The following NCAM2 variants were observed in gnomAD, a reference collection of about 807,000 sequenced individuals.
NCAM2 encodes N-CAM-2.
A neutral mutation model predicts 98.1 loss-of-function variants in NCAM2; 30 were observed. The observed-to-expected ratio is 0.31, with a 90% CI of 0.23 to 0.41. The LOEUF (loss-of-function observed/expected upper bound fraction) is 0.41, where lower values mean the gene tolerates loss of function less well. Ranked by LOEUF, NCAM2 falls within the 10% of genes least tolerant of loss-of-function variation. The probability of loss-of-function intolerance (pLI) is 1.00; values close to 1 mark genes in which losing one functional copy is unlikely to be tolerated. For missense variants in NCAM2, 867 were observed against 1,005.8 expected (o/e 0.86, Z 1.87); for synonymous variants, 368 against 342.4 (o/e 1.07, Z -0.83).
Position 21,286,409 on chromosome 21 carries a change from G to A in NCAM2, c.478G>A (p.Asp160Asn), listed in dbSNP as rs764042994. Residue 160 changes from aspartate to asparagine, a missense_variant, in exon 4 of 18, where the codon GAC becomes AAC. Around this residue, in one of 5 missense-constraint regions of NCAM2, gnomAD observed 447 missense variants for 495.7 expected, o/e 0.90. Transcript: ENST00000400546. ...YHNEEVTTIS[D>N]NRFAMLANNN... ...TAATGAGGAAGTCACCACTATTTCC[G>A]ACAGTTAGTATTTTGGTAACTCCCT... 10 of 1,611,486 alleles carry A rather than the reference G, an allele frequency of 6.2e-6. No homozygotes were observed. In the East Asian group the frequency reaches 8.9e-5, roughly 14 times the overall value.
At chr21:21,437,378 C>T (rs561861443) in intron 12 of NCAM2, among the ~76,000 whole-genome samples, 3 of 151,948 alleles carry the variant, frequency 2.0e-5, no homozygotes, top group Non-Finnish European at 4.4e-5. Flanking sequence ...GAATATCAGC[C>T]TCACCAGATC....
At chr21:21,057,625 C>T (rs1355542710) in intron 1 of NCAM2, among the ~76,000 whole-genome samples, 2 of 152,108 alleles carry the variant, frequency 1.3e-5, no homozygotes, top group Non-Finnish European at 2.9e-5. Context: ...CATAACTTTT[C>T]CCCATCACGA....
chr21:21,514,778 C>T (rs1421540003), intron 16 of NCAM2, among the ~76,000 whole-genome samples: 1 of 152,024 alleles, frequency 6.6e-6, no homozygotes, highest in East Asian at 1.9e-4. Context: ...AATAGCAGTG[C>T]CATGGTTGTG....
At chr21:21,491,896 A>C (rs1441582988) in intron 15 of NCAM2, among the ~76,000 whole-genome samples, 55 of 151,588 alleles carry the variant, frequency 3.6e-4, no homozygotes, top group Admixed American at 3.6e-3. Flanking sequence ...AGTAGTTTGA[A>C]ACATACACCA....
At chr21:21,386,619 G>C (rs924124295) in intron 9 of NCAM2, among the ~76,000 whole-genome samples, 3 of 152,118 alleles carry the variant, frequency 2.0e-5, no homozygotes, top group Non-Finnish European at 4.4e-5. Flanking sequence ...CTTTATGTGA[G>C]CCCCCTGGGA....
chr21:21,051,956 G>T (rs559349438), intron 1 of NCAM2, among the ~76,000 whole-genome samples: 1 of 152,212 alleles, frequency 6.6e-6, no homozygotes, highest in South Asian at 2.1e-4. Context: ...GGGAAGAACA[G>T]AATTCCTTTT....
chr21:21,435,997 C>G (rs2146050801), intron 12 of NCAM2, among the ~76,000 whole-genome samples: 1 of 152,168 alleles, frequency 6.6e-6, no homozygotes, highest in East Asian at 1.9e-4. Flanking sequence ...TGGGACCACC[C>G]CTAACGTTGT....
At chr21:21,080,848 A>G (rs1345495148) in intron 1 of NCAM2, among the ~76,000 whole-genome samples, 1 of 151,970 alleles carries the variant, frequency 6.6e-6, no homozygotes, top group East Asian at 1.9e-4. Flanking sequence ...TCAGAAGAAA[A>G]TGTTCGACCA....
intron 1 of NCAM2, among the ~76,000 whole-genome samples, chr21:21,275,114 A>G (rs1245463241): frequency 2.6e-5 from 4 of 152,236 alleles, no homozygotes; most frequent in African/African-American, 7.2e-5. Context: ...AATGTTACCT[A>G]TGTTTTATTT....
intron 16 of NCAM2, among the ~76,000 whole-genome samples, chr21:21,516,191 C>T (rs1988702848): frequency 6.6e-6 from 1 of 152,122 alleles, no homozygotes; most frequent in East Asian, 1.9e-4. Context: ...TGGCTTCTTA[C>T]AGAAAAGCTT....
chr21:21,108,707 A>G (rs1005507296), intron 1 of NCAM2, among the ~76,000 whole-genome samples: 1 of 152,134 alleles, frequency 6.6e-6, no homozygotes, highest in East Asian at 1.9e-4. Context: ...TTTTTAGAAT[A>G]AGGACATTTC....
In NCAM2 at chr21:21,027,413, A is replaced by G. The variant is rs529980148; in HGVS notation, c.55+28795A>G. On this transcript the variant is annotated intron_variant, in intron 1 of 17. Coordinates refer to ENST00000400546, the MANE Select transcript of NCAM2 (RefSeq NM_004540.5). ...ACTGTCTTTTCCTGCCAGGAACTATAAGTTTCATTCAGAGAAGTTACTTAT... is the reference window on the plus strand; with the variant it reads ...ACTGTCTTTTCCTGCCAGGAACTATGAGTTTCATTCAGAGAAGTTACTTAT... 9.8e-5 allele frequency among the ~76,000 whole-genome samples: 15 copies of G among 152,306 alleles called. No homozygotes were observed. The South Asian group carries it at 3.1e-3, about 32-fold the overall frequency.
intron 1 of NCAM2, among the ~76,000 whole-genome samples, chr21:21,244,802 G>A (rs1350806849): frequency 4.3e-5 from 6 of 141,098 alleles, no homozygotes; most frequent in African/African-American, 8.0e-5. Flanking sequence ...AGCCGAGATC[G>A]CGCCACTGCA....
At chr21:21,078,607 C>G (rs1193975209) in intron 1 of NCAM2, among the ~76,000 whole-genome samples, 1 of 152,154 alleles carries the variant, frequency 6.6e-6, no homozygotes, top group Non-Finnish European at 1.5e-5. Flanking sequence ...AGTAGTTCAA[C>G]CATTGTGGAA....
At chr21:21,049,899 T>A (rs1458225598) in intron 1 of NCAM2, among the ~76,000 whole-genome samples, 1 of 152,006 alleles carries the variant, frequency 6.6e-6, no homozygotes, top group Non-Finnish European at 1.5e-5. Context: ...TAATATTACA[T>A]CATTATGCAT....
chr21:21,194,590 G>A (rs1307816445), intron 1 of NCAM2, among the ~76,000 whole-genome samples: 1 of 152,122 alleles, frequency 6.6e-6, no homozygotes, highest in Non-Finnish European at 1.5e-5. Context: ...CTTACTGGTA[G>A]CTGTGGTATT....
At chr21:21,443,424 A>T (rs755642758) in intron 12 of NCAM2, among the ~76,000 whole-genome samples, 54 of 150,802 alleles carry the variant, frequency 3.6e-4, no homozygotes, top group Non-Finnish European at 5.9e-4. Flanking sequence ...TAAAAGTATA[A>T]TTTTTTTTTT....
rs750488631 is a variant in NCAM2, at chr21:20,998,503, T to C, written c.-61T>C. ...CAGAGGCGGCCGGGGCAGCGAAAGG[T>C]TCTCTCTCCAGGGCTGGACTTAATA... is the stretch of plus-strand genomic sequence containing the variant. On this transcript the variant is annotated 5_prime_UTR_variant, in exon 1 of 18. Coordinates refer to ENST00000400546, the MANE Select transcript of NCAM2 (RefSeq NM_004540.5). 1.3e-6 allele frequency: 2 copies of C among 1,548,304 alleles called. No individual in the cohort carries two copies. Among genetic ancestry groups the C allele is most frequent in the East Asian group, 4.6e-5 (2 of 43,172 alleles).
intron 1 of NCAM2, among the ~76,000 whole-genome samples, chr21:21,215,623 T>C (rs570767330): frequency 2.0e-5 from 3 of 151,864 alleles, no homozygotes; most frequent in South Asian, 4.2e-4. Flanking sequence ...AGCTACTCGG[T>C]AGGTTGAGGT....
Sources: gnomAD v4.1 joint callset for allele counts (sites outside exome capture counted in the v4.1 genomes callset) on GRCh38, gnomAD v4.1.1 for gene constraint, gnomAD v4.1.1 regional missense constraint, MANE v1.5 for transcripts, NCBI Gene and HGNC (gene_info 2026-07-23, HGNC 2026-07-21) for gene names.